ARFGEF1: variants seen among roughly 807,000 people sequenced by gnomAD.
The protein encoded by ARFGEF1 is ARF guanine nucleotide exchange factor 1.
In ARFGEF1, 42 loss-of-function variants were observed where a neutral mutation model predicts 231.0. The observed-to-expected ratio is 0.18, with a 90% CI of 0.14 to 0.24. ARFGEF1 has a LOEUF of 0.24. Ranked by LOEUF, ARFGEF1 falls within the 10% of genes least tolerant of loss-of-function variation. The probability of loss-of-function intolerance (pLI) is 1.00; values close to 1 mark genes in which losing one functional copy is unlikely to be tolerated. For synonymous variants in ARFGEF1, 710 were observed against 732.3 expected, an observed-to-expected ratio of 0.97 and a Z score of 0.49; for missense variants, 1,345 against 2,192.0, an observed-to-expected ratio of 0.61 and a Z score of 7.72.
chr8:67,208,687 G>T (rs760551785), intron 34 of ARFGEF1, among the ~76,000 whole-genome samples: 8 of 151,238 alleles, frequency 5.3e-5, no homozygotes, highest in Non-Finnish European at 5.9e-5. Flanking sequence ...AACATTGGGG[G>T]AAATGCTCAT....
At chr8:67,267,260 A>C (rs1331142429) in intron 11 of ARFGEF1, 30 bp from the exon 12 acceptor site, 1 of 1,607,328 alleles carries the variant, frequency 6.2e-7, no homozygotes, top group South Asian at 1.1e-5. Context: ...ATTTCAACAA[A>C]GTACATCTAG....
At chr8:67,201,199 T>C (rs953451965) in intron 37 of ARFGEF1, among the ~76,000 whole-genome samples, 7 of 152,236 alleles carry the variant, frequency 4.6e-5, no homozygotes, top group Non-Finnish European at 1.0e-4. Context: ...GACTATCTTA[T>C]GACATTAAAA....
intron 34 of ARFGEF1, among the ~76,000 whole-genome samples, chr8:67,211,222 T>C (rs1838733816): frequency 6.6e-6 from 1 of 151,464 alleles, no homozygotes; most frequent in South Asian, 2.1e-4. Context: ...TACACACTTG[T>C]AGTCCCAGCT....
chr8:67,216,460 G>T, intron 33 of ARFGEF1, 130 bp downstream of exon 33: 2 of 816,636 alleles, frequency 2.4e-6, no homozygotes, highest in Non-Finnish European at 3.7e-6. Context: ...CTATTTATAA[G>T]TAATCCAGTC....
intron 34 of ARFGEF1, among the ~76,000 whole-genome samples, chr8:67,208,200 T>C (rs1269641898): frequency 1.3e-5 from 2 of 152,128 alleles, no homozygotes; most frequent in Non-Finnish European, 1.5e-5. Flanking sequence ...TTTAAGAAAT[T>C]AGCAAAATAC....
At chr8:67,231,573 C>T (rs1009410256) in intron 23 of ARFGEF1, among the ~76,000 whole-genome samples, 16 of 151,936 alleles carry the variant, frequency 1.1e-4, no homozygotes, top group Non-Finnish European at 2.2e-4. Context: ...AATGTTAAAT[C>T]ATGCCTGAAT....
chr8:67,295,158 A>C (rs961193493), intron 5 of ARFGEF1, among the ~76,000 whole-genome samples: 2 of 152,234 alleles, frequency 1.3e-5, no homozygotes, highest in African/African-American at 4.8e-5. Flanking sequence ...TAATAAATAC[A>C]GAAGAGAGAA....
At chr8:67,194,488 A>G (rs1837321059), downstream of ARFGEF1, among the ~76,000 whole-genome samples, 1 of 152,214 alleles carries the variant, frequency 6.6e-6, no homozygotes, top group Non-Finnish European at 1.5e-5. Flanking sequence ...CTTTCCAGCT[A>G]TAAGGCATTT....
chr8:67,231,325 G>A (rs1839545560), intron 23 of ARFGEF1, among the ~76,000 whole-genome samples: 1 of 152,046 alleles, frequency 6.6e-6, no homozygotes, highest in Admixed American at 6.6e-5. Context: ...CTGAGGTTTT[G>A]TATAAAATTT....
chr8:67,307,030 T>C (rs1342986421), intron 1 of ARFGEF1, among the ~76,000 whole-genome samples: 1 of 152,176 alleles, frequency 6.6e-6, no homozygotes, highest in Non-Finnish European at 1.5e-5. Context: ...CCACCTGCCC[T>C]GGCCTCCCAA....
At position 67,247,125 on chromosome 8, in the gene ARFGEF1, C is replaced by T. The variant is rs542568516; in HGVS notation, c.2850+4174G>A. 7.5e-4 allele frequency among the ~76,000 whole-genome samples: 113 copies of T among 150,264 alleles called. 6 individuals carry two copies. Among genetic ancestry groups the T allele is most frequent in the South Asian group, 7.4e-3 (35 of 4,758 alleles). ...CAAAAAGTCTCTCAGCAAAAGAAAGCGTGAAATCTGATGGCTTCACTGCTA... is the reference window on the plus strand; with the variant it reads ...CAAAAAGTCTCTCAGCAAAAGAAAGTGTGAAATCTGATGGCTTCACTGCTA... On this transcript the variant is annotated intron_variant, in intron 19 of 38. Coordinates refer to ENST00000262215, the MANE Select transcript of ARFGEF1 (RefSeq NM_006421.5).
intron 36 of ARFGEF1, among the ~76,000 whole-genome samples, chr8:67,202,422 G>A (rs963729708): frequency 2.0e-5 from 3 of 151,858 alleles, no homozygotes; most frequent in African/African-American, 7.3e-5. Flanking sequence ...ACCATGCCCC[G>A]CTAATTTTTA....
intron 1 of ARFGEF1, among the ~76,000 whole-genome samples, chr8:67,303,768 G>T (rs16933253): frequency 1.1e-3 from 160 of 151,584 alleles, no homozygotes; most frequent in African/African-American, 3.6e-3. Context: ...CTGGCTAATT[G>T]ACTAAATCTG....
At chr8:67,179,582 AAGGG>A (rs1258918065) in intron 5 of ARFGEF1, among the ~76,000 whole-genome samples, 5 of 152,204 alleles carry the variant, frequency 3.3e-5, no homozygotes, top group African/African-American at 9.6e-5. Context: ...TTCAACCATA[AAGGG>A]GCAGGAAGGA....
intron 1 of ARFGEF1, among the ~76,000 whole-genome samples, chr8:67,338,963 A>G (rs903569431): frequency 8.5e-5 from 13 of 152,200 alleles, no homozygotes; most frequent in Non-Finnish European, 1.5e-4. Flanking sequence ...CCAGGGCCCA[A>G]AGCATTCAAG....
chr8:67,193,554 G>A (rs1837021957), downstream of ARFGEF1: 2 of 1,613,770 alleles, frequency 1.2e-6, no homozygotes, highest in South Asian at 1.1e-5. Flanking sequence ...GAGAAATGAG[G>A]AACGAATGCG....
chr8:67,258,849 A>ACACACACACC (rs904193567), intron 15 of ARFGEF1, among the ~76,000 whole-genome samples: 4 of 151,946 alleles, frequency 2.6e-5, no homozygotes, highest in African/African-American at 9.7e-5. Context: ...ACACACACAC[A>ACACACACACC]CACACCAGTC....
intron 34 of ARFGEF1, among the ~76,000 whole-genome samples, chr8:67,206,431 A>C (rs1838522419): frequency 6.6e-6 from 1 of 151,660 alleles, no homozygotes; most frequent in African/African-American, 2.4e-5. Flanking sequence ...AAAAAAAAAA[A>C]AAAGTTAAGC....
At chr8:67,207,182 C>T (rs977409630) in intron 34 of ARFGEF1, 11 of 152,166 alleles carry the variant, frequency 7.2e-5, no homozygotes, top group African/African-American at 2.7e-4. Flanking sequence ...GTCATCCATT[C>T]ACTCCCTCAT....
Sources: allele counts gnomAD v4.1 joint callset (sites outside exome capture counted in the v4.1 genomes callset), GRCh38; gene constraint gnomAD v4.1.1; transcripts MANE v1.5; gene names NCBI Gene and HGNC (gene_info 2026-07-23, HGNC 2026-07-21).